The following GALNT18 variants were observed in gnomAD, a reference collection of about 807,000 sequenced individuals.
The protein encoded by GALNT18 is polypeptide N-acetylgalactosaminyltransferase 18.
In GALNT18, 44 loss-of-function variants were observed where a neutral mutation model predicts 69.5. The observed-to-expected ratio is 0.63, with a 90% CI of 0.50 to 0.81. The LOEUF (loss-of-function observed/expected upper bound fraction) is 0.81. Among genes scored for constraint, GALNT18 ranks in the 40% least tolerant of loss-of-function variants. The pLI is 0.00. For missense variants in GALNT18, 715 were observed against 810.0 expected (o/e 0.88, Z 1.42); for synonymous variants, 364 against 318.2 (o/e 1.14, Z -1.53).
At chr11:11,312,607 T>C (rs1033121980) in intron 9 of GALNT18, among the ~76,000 whole-genome samples, 1 of 152,188 alleles carries the variant, frequency 6.6e-6, no homozygotes, top group African/African-American at 2.4e-5. Flanking sequence ...AAACCCATGT[T>C]GTTCAAGGGT....
intron 9 of GALNT18, among the ~76,000 whole-genome samples, chr11:11,306,222 C>CATGTGTGTGTGT (rs1376905007): frequency 7.1e-6 from 1 of 140,786 alleles, no homozygotes; most frequent in African/African-American, 2.5e-5. Context: ...TCTGTGTGTG[C>CATGTGTGTGTGT]ATGTGTGTGT....
chr11:11,491,770 G>T (rs952344579), intron 1 of GALNT18, among the ~76,000 whole-genome samples: 1 of 152,166 alleles, frequency 6.6e-6, no homozygotes, highest in African/African-American at 2.4e-5. Context: ...GATGGACCAG[G>T]CCAAGTTGGC....
chr11:11,565,424 C>T (rs1450236152), intron 1 of GALNT18, among the ~76,000 whole-genome samples: 3 of 152,346 alleles, frequency 2.0e-5, no homozygotes, highest in East Asian at 3.9e-4. Context: ...GTAGTCCACC[C>T]TGCTTTCTTC....
chr11:11,348,350 CCT>C (rs1421124826), intron 6 of GALNT18, among the ~76,000 whole-genome samples: 1 of 149,428 alleles, frequency 6.7e-6, no homozygotes, highest in African/African-American at 2.5e-5. Context: ...TGCACTCCAG[CCT>C]GGGTGGCAAG....
At chr11:11,299,237 C>G (rs932551702) in intron 9 of GALNT18, among the ~76,000 whole-genome samples, 3 of 152,176 alleles carry the variant, frequency 2.0e-5, no homozygotes, top group Non-Finnish European at 4.4e-5. Context: ...CTCCGCCTCC[C>G]AGGTTCAAGC....
rs1382110296 is a variant in GALNT18 at position 11,601,092 on chromosome 11, T to C, written c.235+20267A>G. 6.6e-6 allele frequency among the ~76,000 whole-genome samples: 1 copy of C among 152,248 alleles called. No individual in the cohort carries two copies. Among genetic ancestry groups the C allele is most frequent in the East Asian group, 1.9e-4 (1 of 5,204 alleles). On this transcript the variant is annotated intron_variant, in intron 1 of 10. Transcript: ENST00000227756. This position sits in a 1 kb window ranked among gnomAD's most constrained non-coding sequence, Gnocchi z 4.0. ...TTTCCTTTAGTTCTTTGAACAAATA[T>C]ATAATAGCTACTTTGCTGTCTTTTT...
chr11:11,391,916 G>A (rs980379340), intron 3 of GALNT18, among the ~76,000 whole-genome samples: 1 of 152,236 alleles, frequency 6.6e-6, no homozygotes, highest in Non-Finnish European at 1.5e-5. Flanking sequence ...GATCTGCTAC[G>A]CCGAGCCTGG....
chr11:11,339,717 A>T lies in GALNT18; in HGVS notation c.1278+1102T>A, dbSNP rs75160665. Among the ~76,000 whole-genome samples the T allele has an allele frequency of 9.1e-3, 1,378 of 152,206 alleles. 19 individuals are homozygous for T. The highest frequency in any genetic ancestry group is 0.031 in the African/African-American group (1,297 of 41,522). On this transcript the variant is annotated intron_variant, in intron 7 of 10. Transcript: ENST00000227756. This position sits in a 1 kb window ranked among gnomAD's most constrained non-coding sequence, Gnocchi z 5.2. ...TCTCCGCTCCTCATTCTTGCTCCCA[A>T]CTGCTGAAACCTCACTGATTGTGGG...
intron 2 of GALNT18, among the ~76,000 whole-genome samples, chr11:11,440,518 G>T (rs1855511503): frequency 6.6e-6 from 1 of 152,224 alleles, no homozygotes; most frequent in Non-Finnish European, 1.5e-5. Flanking sequence ...AAGGAAGAAT[G>T]GGGCAACTTT....
At chr11:11,313,172 T>C (rs1349630130) in intron 9 of GALNT18, among the ~76,000 whole-genome samples, 1 of 151,806 alleles carries the variant, frequency 6.6e-6, no homozygotes, top group African/African-American at 2.4e-5. Context: ...AATGCTGAGA[T>C]TAGATATCTC....
At position 11,377,638 on chromosome 11, in the gene GALNT18, C is replaced by T. The variant is rs1443148055; in HGVS notation, c.780-259G>A. ...CTGAGAGATTCTTATTCCAGCCAAC[C>T]TTGTGCCTGCTCGCTTTCCCTTTCT... On this transcript the variant is annotated intron_variant, in intron 4 of 10. Transcript: ENST00000227756. The surrounding 1 kb of genome is among the most constrained non-coding windows in gnomAD (Gnocchi z 4.6). Among the ~76,000 whole-genome samples the T allele has an allele frequency of 1.3e-5, 2 of 150,484 alleles. No individual in the cohort carries two copies. Among genetic ancestry groups the T allele is most frequent in the Admixed American group, 6.6e-5 (1 of 15,048 alleles).
intron 1 of GALNT18, among the ~76,000 whole-genome samples, chr11:11,535,605 C>T (rs1395847087): frequency 6.6e-6 from 1 of 152,148 alleles, no homozygotes. Flanking sequence ...AGAACCCTGC[C>T]CTGTCCCCAG....
At chr11:11,375,350 A>T (rs988872199) in intron 5 of GALNT18, among the ~76,000 whole-genome samples, 1 of 152,240 alleles carries the variant, frequency 6.6e-6, no homozygotes, top group Non-Finnish European at 1.5e-5. Flanking sequence ...GGTTGAGATG[A>T]CATTGTCTGG....
Position 11,372,514 on chromosome 11 carries a change from C to G in GALNT18, c.1092+1G>C. The G allele has an allele frequency of 6.2e-7, 1 of 1,613,514 alleles. No homozygotes were observed. Among genetic ancestry groups the G allele is most frequent in the Non-Finnish European group, 8.5e-7 (1 of 1,179,394 alleles). ...CAGTTTGAGTGAGAAACCCCACTCACCCTGATCCCAAGCTCCACATTCTCG... is the reference window on the plus strand; with the variant it reads ...CAGTTTGAGTGAGAAACCCCACTCAGCCTGATCCCAAGCTCCACATTCTCG... On this transcript the variant is annotated splice_donor_variant, in intron 6 of 10. Transcript: ENST00000227756. LOFTEE classifies it high-confidence loss of function. The surrounding 1 kb of genome is among the most constrained non-coding windows in gnomAD (Gnocchi z 4.9).
intron 2 of GALNT18, among the ~76,000 whole-genome samples, chr11:11,443,743 A>AC (rs1855583720): frequency 6.6e-6 from 1 of 152,224 alleles, no homozygotes; most frequent in Non-Finnish European, 1.5e-5. Flanking sequence ...CCAAGGCCCC[A>AC]CATGGATGAG....
intron 9 of GALNT18, among the ~76,000 whole-genome samples, chr11:11,326,068 G>A (rs1401643025): frequency 7.2e-6 from 1 of 138,098 alleles, no homozygotes; most frequent in Non-Finnish European, 1.5e-5. Flanking sequence ...TTTTTGAGAC[G>A]GAATCTCGCT....
intron 1 of GALNT18, among the ~76,000 whole-genome samples, chr11:11,484,610 A>AG (rs796828363): frequency 4.9e-4 from 73 of 149,378 alleles, no homozygotes; most frequent in East Asian, 8.0e-4. Context: ...AAAAAAAAAA[A>AG]AAAAAATACC....
rs1454285170 is a variant in GALNT18 at position 11,436,256 on chromosome 11, A to C, written c.429-3469T>G. On this transcript the variant is annotated intron_variant, in intron 2 of 10. Coordinates refer to ENST00000227756, the MANE Select transcript of GALNT18 (RefSeq NM_198516.3). The surrounding 1 kb of genome is among the most constrained non-coding windows in gnomAD (Gnocchi z 4.5). The stretch of plus-strand genomic sequence containing the variant: ...TCTATGTCTTGGTCACAGAATAAGG[A>C]AATGGGAAGAAAGGATCACTCAGAT... Among the ~76,000 whole-genome samples the C allele has an allele frequency of 6.6e-6, 1 of 152,220 alleles. No homozygotes were observed. Among genetic ancestry groups the C allele is most frequent in the Non-Finnish European group, 1.5e-5 (1 of 68,040 alleles).
At chr11:11,423,671 G>T in intron 3 of GALNT18, among the ~76,000 whole-genome samples, 1 of 152,188 alleles carries the variant, frequency 6.6e-6, no homozygotes, top group Admixed American at 6.5e-5. Context: ...AAGGGATAAG[G>T]ACAAAATTCA....
Sources: gnomAD v4.1 joint callset for allele counts (sites outside exome capture counted in the v4.1 genomes callset) on GRCh38, gnomAD v4.1.1 for gene constraint, Gnocchi (gnomAD v3.1) non-coding constraint, MANE v1.5 for transcripts, NCBI Gene and HGNC (gene_info 2026-07-23, HGNC 2026-07-21) for gene names.